The following OSMR variants were observed in gnomAD, a reference collection of about 807,000 sequenced individuals.
OSMR encodes oncostatin M receptor, also known as oncostatin-M-specific receptor subunit beta.
OSMR carries 81 observed loss-of-function variants against 99.9 expected under a neutral mutation model. The ratio of observed to expected loss-of-function variants is 0.81; its 90% CI spans 0.68 to 0.97. The LOEUF is 0.97. OSMR is among the 50% of genes least tolerant of loss of function. The probability of loss-of-function intolerance (pLI) is 0.00; values close to 1 mark genes in which losing one functional copy is unlikely to be tolerated. For missense variants in OSMR, 1,099 were observed against 1,153.4 expected, an observed-to-expected ratio of 0.95 and a Z score of 0.68; for synonymous variants, 406 against 410.4, an observed-to-expected ratio of 0.99 and a Z score of 0.13.
chr5:38,918,937 C>T lies in OSMR; in HGVS notation c.1460C>T (p.Pro487Leu). 4 of 1,614,010 alleles carry T rather than the reference C, an allele frequency of 2.5e-6. No individual in the cohort carries two copies. Among genetic ancestry groups the T allele is most frequent in the Non-Finnish European group, 3.4e-6 (4 of 1,179,950 alleles). The change falls in exon 11 of 18, where the codon CCA becomes CTA. Residue 487 changes from proline (P) to leucine (L), a missense_variant. Physicochemically the swap from Pro to Leu is moderately conservative, Grantham distance 98. Coordinates refer to ENST00000274276, the MANE Select transcript of OSMR (RefSeq NM_003999.3). ...TCCAGTTCAGAGCTCCATTCCATTCCAGCACCAGCCAACAGCACAAAACTA... is the reference window on the plus strand; with the variant it reads ...TCCAGTTCAGAGCTCCATTCCATTCTAGCACCAGCCAACAGCACAAAACTA... ...KPSSSELHSIPAPANSTKLIL... is the reference protein window; with the variant it reads ...KPSSSELHSILAPANSTKLIL...
chr5:38,860,677 A>C (rs1368801769), intron 1 of OSMR, among the ~76,000 whole-genome samples: 1 of 151,994 alleles, frequency 6.6e-6, no homozygotes, highest in African/African-American at 2.4e-5. Context: ...ATTAAGCAGT[A>C]ATTTTTTCTT....
At chr5:38,904,233 A>G (rs1442892598) in intron 8 of OSMR, 120 bp from the exon 9 acceptor site, 7 of 1,541,154 alleles carry the variant, frequency 4.5e-6, no homozygotes, top group African/African-American at 1.4e-5. Flanking sequence ...AGAAGAACTG[A>G]TCTTACTCCA....
intron 10 of OSMR, among the ~76,000 whole-genome samples, chr5:38,918,082 C>T (rs1387884718): frequency 6.6e-6 from 1 of 152,138 alleles, no homozygotes; most frequent in Non-Finnish European, 1.5e-5. Context: ...TGTGATGCGT[C>T]AGTTTCACAC....
chr5:38,933,393 T>C lies in OSMR; in HGVS notation c.2889T>C (p.Asn963=), dbSNP rs1323509654. ...TTGCCTTGCCTCCCCCGACCGAGAA[T>C]AGCAGCCTCTCCTCAATTACCCTTT... ...LRLALPPPTE[N]SSLSSITLLD... The change falls in exon 18 of 18, where the codon AAT becomes AAC. Residue 963 remains asparagine, a synonymous_variant. Coordinates refer to ENST00000274276, the MANE Select transcript of OSMR (RefSeq NM_003999.3). 6.2e-7 allele frequency: 1 copy of C among 1,613,986 alleles called. No homozygotes were observed. The highest frequency in any genetic ancestry group is 1.1e-5 in the South Asian group (1 of 91,050).
downstream of OSMR, chr5:38,940,553 A>G: frequency 4.3e-6 from 1 of 232,606 alleles, no homozygotes; most frequent in African/African-American, 2.2e-5. Flanking sequence ...ATAAAGTATA[A>G]AAAAATTATT....
chr5:38,875,278 T>C (rs1742723943), intron 2 of OSMR, among the ~76,000 whole-genome samples: 1 of 152,224 alleles, frequency 6.6e-6, no homozygotes, highest in African/African-American at 2.4e-5. Context: ...TATTTTACAA[T>C]CTATATGGTG....
rs1214071587 is a variant in OSMR, at chr5:38,850,858, A to G, written c.-14+4471A>G. Reference sequence around the variant, plus strand: ...GGGATTTTGAGCAAATTTACTTCATATATATACTTCAGTGTGTCTGTCTGT... The same window carrying G: ...GGGATTTTGAGCAAATTTACTTCATGTATATACTTCAGTGTGTCTGTCTGT... On this transcript the variant is annotated intron_variant, in intron 1 of 17. Coordinates refer to ENST00000274276, the MANE Select transcript of OSMR (RefSeq NM_003999.3). Among the ~76,000 whole-genome samples, 4 of 152,184 alleles carry G rather than the reference A, an allele frequency of 2.6e-5. No individual in the cohort carries two copies. The East Asian group carries it at 7.7e-4, about 29-fold the overall frequency.
At chr5:38,885,542 C>A (rs1743653470) in intron 6 of OSMR, 58 bp downstream of exon 6, 2 of 1,597,358 alleles carry the variant, frequency 1.3e-6, no homozygotes, top group South Asian at 2.2e-5. Context: ...GTGCTTGTGA[C>A]AACATGGCAA....
At chr5:38,907,224 C>T (rs1745294950) in intron 9 of OSMR, among the ~76,000 whole-genome samples, 1 of 152,182 alleles carries the variant, frequency 6.6e-6, no homozygotes, top group African/African-American at 2.4e-5. Flanking sequence ...ATGAAGCACC[C>T]ACACTCGTTC....
At chr5:38,924,740 A>G (rs1746393204) in intron 14 of OSMR, 145 bp downstream of exon 14, 1 of 770,364 alleles carries the variant, frequency 1.3e-6, no homozygotes, top group Admixed American at 2.0e-5. Flanking sequence ...TTCTTAAGCA[A>G]ATTAGTAGGG....
chr5:38,925,580 G>A (rs1427432837), intron 15 of OSMR, among the ~76,000 whole-genome samples: 1 of 152,174 alleles, frequency 6.6e-6, no homozygotes, highest in Non-Finnish European at 1.5e-5. Flanking sequence ...ACAAATAGAG[G>A]TAATCTGTCT....
rs1254479268 is a variant in OSMR at position 38,885,280 on chromosome 5, A to C, written c.704-69A>C. ...AACTCTGTGGCTTCAGACTCTAAAC[A>C]GAGCTTTCCATTTGGCTTATCTTCC... is the stretch of plus-strand genomic sequence containing the variant. On this transcript the variant is annotated intron_variant, in intron 5 of 17. Transcript: ENST00000274276. 3.7e-6 allele frequency: 6 copies of C among 1,606,964 alleles called. No homozygotes were observed. The East Asian group carries it at 1.3e-4, about 36-fold the overall frequency.
intron 12 of OSMR, 131 bp downstream of exon 12, chr5:38,921,925 G>C: frequency 1.3e-6 from 1 of 748,706 alleles, no homozygotes; most frequent in Non-Finnish European, 2.3e-6. Context: ...TCCAGCATGG[G>C]TGTTAGGAGT....
Position 38,891,168 on chromosome 5 carries a change from A to G in OSMR, c.991+4978A>G, listed in dbSNP as rs74653434. Among the ~76,000 whole-genome samples the G allele has an allele frequency of 0.024, 3,668 of 152,294 alleles. 336 individuals are homozygous for G. In the East Asian group the frequency reaches 0.35, roughly 15 times the overall value. On this transcript the variant is annotated intron_variant, in intron 7 of 17. Transcript: ENST00000274276. ...ATTATTTACAGATGCACATAACCAA[A>G]TCAAAATGAAACCAAGGTCAGAGTA...
chr5:38,876,509 A>G (rs1742852738), intron 3 of OSMR, 136 bp downstream of exon 3: 1 of 727,198 alleles, frequency 1.4e-6, no homozygotes, highest in East Asian at 2.7e-5. Context: ...AAACAATTAC[A>G]TTTCTGCATT....
chr5:38,924,537 C>T lies in OSMR; in HGVS notation c.1986C>T (p.Val662=). The T allele has an allele frequency of 6.2e-7, 1 of 1,614,120 alleles. No individual in the cohort carries two copies. Among genetic ancestry groups the T allele is most frequent in the African/African-American group, 1.3e-5 (1 of 75,068 alleles). ...CTGGTTTTATACAAGGGTACCATGTCTATCTGAAATCCAAGGCGAGGCAGT... is the reference window on the plus strand; with the variant it reads ...CTGGTTTTATACAAGGGTACCATGTTTATCTGAAATCCAAGGCGAGGCAGT... ...SQPGFIQGYH[V]YLKSKARQCH... is the part of the protein sequence containing the mutation. Residue 662 remains valine, a synonymous_variant, in exon 14 of 18, where the codon GTC becomes GTT. Transcript: ENST00000274276.
At chr5:38,881,254 A>G (rs1247567787) in intron 3 of OSMR, among the ~76,000 whole-genome samples, 1 of 152,006 alleles carries the variant, frequency 6.6e-6, no homozygotes, top group African/African-American at 2.4e-5. Context: ...CTTTCTTAGC[A>G]GATTCTCTGG....
intron 2 of OSMR, among the ~76,000 whole-genome samples, chr5:38,870,449 A>G (rs538252978): frequency 6.0e-5 from 9 of 148,840 alleles, no homozygotes; most frequent in African/African-American, 2.2e-4. Context: ...CTTCTGCCTC[A>G]GCCTCCTGAG....
intron 9 of OSMR, among the ~76,000 whole-genome samples, chr5:38,912,609 T>C (rs1192954875): frequency 2.6e-5 from 4 of 152,032 alleles, no homozygotes; most frequent in African/African-American, 2.4e-5. Flanking sequence ...AAAGAGCCTA[T>C]ATAGACAAAG....
Sources: gnomAD v4.1 joint callset for allele counts (sites outside exome capture counted in the v4.1 genomes callset) on GRCh38, gnomAD v4.1.1 for gene constraint, MANE v1.5 for transcripts, NCBI Gene and HGNC (gene_info 2026-07-23, HGNC 2026-07-21) for gene names.